The following SHISA9 variants were observed in gnomAD, a reference collection of about 807,000 sequenced individuals.
The protein encoded by SHISA9 is shisa family member 9.
Under a neutral mutation model 38.0 loss-of-function variants are expected in SHISA9, and 13 were observed. The ratio of observed to expected loss-of-function variants is 0.34; its 90% CI spans 0.22 to 0.54. The LOEUF is 0.54. Ranked by LOEUF, SHISA9 falls within the 20% of genes least tolerant of loss-of-function variation. SHISA9 has a pLI of 0.91. For missense variants in SHISA9, 538 were observed against 575.8 expected (o/e 0.93, Z 0.67); for synonymous variants, 275 against 242.0 (o/e 1.14, Z -1.27).
chr16:13,376,875 A>C, the SHISA9 span, among the ~76,000 whole-genome samples: 3 of 151,890 alleles, frequency 2.0e-5, no homozygotes, highest in Admixed American at 2.0e-4. Context: ...TCTTGTAGAG[A>C]TGTGTTGCCC....
chr16:13,130,042 T>A (rs2050293533), intron 2 of SHISA9, among the ~76,000 whole-genome samples: 1 of 152,128 alleles, frequency 6.6e-6, no homozygotes, highest in Non-Finnish European at 1.5e-5. Flanking sequence ...CCCTCACAAT[T>A]TTCAAAGAAC....
intron 2 of SHISA9, among the ~76,000 whole-genome samples, chr16:13,068,730 A>T (rs768974876): frequency 1.3e-5 from 2 of 152,202 alleles, no homozygotes; most frequent in Non-Finnish European, 2.9e-5. Flanking sequence ...GTGTGTGTAT[A>T]AATGTGTGAG....
the SHISA9 span, among the ~76,000 whole-genome samples, chr16:13,561,224 C>G: frequency 6.6e-6 from 1 of 152,250 alleles, no homozygotes. Flanking sequence ...ACTCAATGAA[C>G]CCTTTGGCAG....
chr16:13,376,461 C>T, the SHISA9 span, among the ~76,000 whole-genome samples: 63 of 152,300 alleles, frequency 4.1e-4, no homozygotes, highest in African/African-American at 1.2e-3. Flanking sequence ...CATGTCAGCC[C>T]ACTCACCTCT....
chr16:13,528,727 G>T, the SHISA9 span, among the ~76,000 whole-genome samples: 1 of 152,124 alleles, frequency 6.6e-6, no homozygotes, highest in African/African-American at 2.4e-5. Flanking sequence ...CGGTAACATA[G>T]ACCTAAAATC....
chr16:13,530,922 G>A, the SHISA9 span, among the ~76,000 whole-genome samples: 1 of 152,176 alleles, frequency 6.6e-6, no homozygotes, highest in African/African-American at 2.4e-5. Context: ...GTTTTCTCAA[G>A]GAATCTCTTC....
the SHISA9 span, among the ~76,000 whole-genome samples, chr16:13,384,233 C>A: frequency 6.6e-6 from 1 of 152,154 alleles, no homozygotes; most frequent in South Asian, 2.1e-4. Context: ...AGAGGCCACC[C>A]AGGACAATGA....
the SHISA9 span, among the ~76,000 whole-genome samples, chr16:13,320,388 T>C: frequency 1.3e-5 from 2 of 151,824 alleles, no homozygotes; most frequent in African/African-American, 2.4e-5. Context: ...TTTCTCTCTT[T>C]GTAGGTATGT....
At chr16:13,539,266 A>T in the SHISA9 span, among the ~76,000 whole-genome samples, 84 of 147,096 alleles carry the variant, frequency 5.7e-4, no homozygotes, top group South Asian at 2.6e-3. Flanking sequence ...AGTAGCTGGG[A>T]CCACAGGTGT....
the SHISA9 span, among the ~76,000 whole-genome samples, chr16:13,408,970 T>C: frequency 2.0e-5 from 3 of 152,184 alleles, no homozygotes; most frequent in Non-Finnish European, 4.4e-5. Flanking sequence ...CTTGTTTTCA[T>C]GTCCAAAAAG....
intron 2 of SHISA9, among the ~76,000 whole-genome samples, chr16:13,136,961 G>T (rs2050355152): frequency 6.6e-6 from 1 of 152,156 alleles, no homozygotes; most frequent in African/African-American, 2.4e-5. Flanking sequence ...GCAAAAGCTT[G>T]TAGGTTCTGC....
At chr16:13,140,173 C>CCCCTCCCCTT (rs2050389576) in intron 2 of SHISA9, among the ~76,000 whole-genome samples, 1 of 101,120 alleles carries the variant, frequency 9.9e-6, no homozygotes. Context: ...CCCCTCCCCT[C>CCCCTCCCCTT]CCCTTCCCTT....
chr16:12,940,031 G>A (rs2071588721), intron 2 of SHISA9, among the ~76,000 whole-genome samples: 1 of 152,154 alleles, frequency 6.6e-6, no homozygotes, highest in South Asian at 2.1e-4. Flanking sequence ...TACTCTGTAG[G>A]CAACTAAAGG....
intron 2 of SHISA9, among the ~76,000 whole-genome samples, chr16:13,168,412 C>T (rs1316629303): frequency 1.3e-5 from 2 of 152,200 alleles, no homozygotes; most frequent in African/African-American, 4.8e-5. Context: ...CCAACATTAC[C>T]ATATCAGTCA....
the SHISA9 span, among the ~76,000 whole-genome samples, chr16:13,259,677 C>T: frequency 6.6e-6 from 1 of 152,234 alleles, no homozygotes; most frequent in Non-Finnish European, 1.5e-5. Context: ...CACATAGAAG[C>T]TGCCAAGGCT....
At chr16:12,990,339 G>A (rs1289168420) in intron 2 of SHISA9, among the ~76,000 whole-genome samples, 1 of 152,114 alleles carries the variant, frequency 6.6e-6, no homozygotes, top group African/African-American at 2.4e-5. Flanking sequence ...TCTGCCTCTA[G>A]GTCTTTGAGG....
At chr16:13,421,757 G>C in the SHISA9 span, among the ~76,000 whole-genome samples, 3 of 152,166 alleles carry the variant, frequency 2.0e-5, no homozygotes, top group Non-Finnish European at 4.4e-5. Flanking sequence ...ACAAATATTA[G>C]TCCTCTTCCC....
chr16:13,194,962 G>A (rs1412980984), intron 2 of SHISA9, among the ~76,000 whole-genome samples: 2 of 152,200 alleles, frequency 1.3e-5, no homozygotes, highest in Non-Finnish European at 2.9e-5. Flanking sequence ...ATCTGACAGT[G>A]AGTTAGAGTT....
chr16:13,421,715 C>T, the SHISA9 span, among the ~76,000 whole-genome samples: 13 of 152,136 alleles, frequency 8.5e-5, no homozygotes, highest in Non-Finnish European at 1.3e-4. Context: ...ATAAAAGAAC[C>T]CAATACAATA....
Sources: gnomAD v4.1 joint callset for allele counts (sites outside exome capture counted in the v4.1 genomes callset) on GRCh38, gnomAD v4.1.1 for gene constraint, MANE v1.5 for transcripts, NCBI Gene and HGNC (gene_info 2026-07-23, HGNC 2026-07-21) for gene names.